DYNC2H1: variants seen among roughly 807,000 people sequenced by gnomAD.
DYNC2H1 encodes cytoplasmic dynein 2 heavy chain 1.
DYNC2H1 carries 410 observed loss-of-function variants against 570.0 expected under a neutral mutation model. That is an observed-to-expected ratio of 0.72 (90% confidence interval 0.66 to 0.78). The LOEUF (loss-of-function observed/expected upper bound fraction) is 0.78. DYNC2H1 is among the 30% of genes least tolerant of loss of function. DYNC2H1 has a pLI of 0.00. For synonymous variants in DYNC2H1, 1,688 were observed against 1,677.6 expected, an observed-to-expected ratio of 1.01 and a Z score of -0.15; for missense variants, 4,865 against 5,046.4, an observed-to-expected ratio of 0.96 and a Z score of 1.09.
intron 70 of DYNC2H1, among the ~76,000 whole-genome samples, chr11:103,274,155 C>CATATATATATATCTGTGTGTGTCACAG (rs1242451101): frequency 6.6e-6 from 1 of 150,430 alleles, no homozygotes; most frequent in Non-Finnish European, 1.5e-5. Context: ...TATACACACA[C>CATATATATATATCTGTGTGTGTCACAG]ATATATATAT....
intron 85 of DYNC2H1, 76 bp from the exon 86 acceptor site, chr11:103,455,110 T>C (rs1434287371): frequency 9.9e-7 from 1 of 1,011,218 alleles, no homozygotes; most frequent in African/African-American, 1.6e-5. Context: ...ATTACTTTCT[T>C]ATTGAAAATG....
At chr11:103,468,012 G>T (rs534719584) in intron 87 of DYNC2H1, among the ~76,000 whole-genome samples, 14 of 152,146 alleles carry the variant, frequency 9.2e-5, no homozygotes, top group Non-Finnish European at 1.9e-4. Context: ...AGAATGAAGA[G>T]TTTCAAAGAA....
chr11:103,405,404 T>C (rs1942821340), intron 84 of DYNC2H1: 1 of 151,980 alleles, frequency 6.6e-6, no homozygotes, highest in Admixed American at 6.6e-5. Flanking sequence ...AATGAGAAGA[T>C]GGTTATACCT....
intron 70 of DYNC2H1, among the ~76,000 whole-genome samples, chr11:103,272,381 C>T (rs940214308): frequency 3.3e-5 from 5 of 151,856 alleles, no homozygotes; most frequent in Non-Finnish European, 7.4e-5. Context: ...AATGAGAACA[C>T]TTGGACACAA....
intron 61 of DYNC2H1, among the ~76,000 whole-genome samples, chr11:103,235,235 TCTTTC>T (rs961599194): frequency 1.3e-5 from 2 of 151,944 alleles, no homozygotes; most frequent in African/African-American, 4.8e-5. Context: ...CTATCTCTCT[TCTTTC>T]CTTTAATATA....
chr11:103,124,932 G>A (rs1858910596), intron 11 of DYNC2H1, among the ~76,000 whole-genome samples, 168 bp from the exon 12 acceptor site: 1 of 151,974 alleles, frequency 6.6e-6, no homozygotes, highest in Non-Finnish European at 1.5e-5. Context: ...AATCTGAATT[G>A]TGAAATAATA....
At chr11:103,367,655 T>A (rs1199959479) in intron 83 of DYNC2H1, among the ~76,000 whole-genome samples, 1 of 152,156 alleles carries the variant, frequency 6.6e-6, no homozygotes, top group Non-Finnish European at 1.5e-5. Flanking sequence ...CCTATAGCTG[T>A]AGGGTACTGT....
At position 103,170,826 on chromosome 11, in the gene DYNC2H1, A is replaced by C; in HGVS notation, c.5152-60A>C. ...TATCAATAAGTAACATTAAATATTA[A>C]GTAGTTATGGAGATTTTGATTATTT... On this transcript the variant is annotated intron_variant, in intron 33 of 88. Transcript: ENST00000375735. The surrounding 1 kb of genome is among the most constrained non-coding windows in gnomAD (Gnocchi z 4.8). 1 of 1,299,892 alleles carries C rather than the reference A, an allele frequency of 7.7e-7. No homozygotes were observed. The highest frequency in any genetic ancestry group is 1.0e-6 in the Non-Finnish European group (1 of 993,242). 80.5% of individuals were successfully genotyped at this position (1,299,892 alleles called of 1,614,324 possible).
At chr11:103,456,220 A>G (rs1944781871) in intron 86 of DYNC2H1, 55 bp from the exon 87 acceptor site, 2 of 1,375,124 alleles carry the variant, frequency 1.5e-6, no homozygotes, top group East Asian at 2.4e-5. Context: ...GTTACTCTTC[A>G]TATTTTAATT....
chr11:103,406,167 C>T (rs1454373695), intron 84 of DYNC2H1: 1 of 151,888 alleles, frequency 6.6e-6, no homozygotes, highest in Non-Finnish European at 1.5e-5. Context: ...GTGTAATTTA[C>T]TTACTAAGGG....
Position 103,245,365 on chromosome 11 carries a change from G to T in DYNC2H1, c.10033G>T (p.Val3345Phe). Residue 3345 changes from valine to phenylalanine, a missense_variant, in exon 65 of 89, where the codon GTT (valine) becomes TTT (phenylalanine). Val to Phe is a conservative substitution (Grantham distance 50). Around this residue, in one of 5 missense-constraint regions of DYNC2H1, gnomAD observed 2,401 missense variants for 2,454.6 expected, o/e 0.98. Transcript: ENST00000375735. The surrounding 1 kb of genome is among the most constrained non-coding windows in gnomAD (Gnocchi z 4.5). ...VLYPLLRRDL[V>F]AQGPRYVVQI... ...TTATCCATTATTGAGACGAGATCTGGTTGCTCAAGGTAAATAATTGACACT... is the reference window on the plus strand; with the variant it reads ...TTATCCATTATTGAGACGAGATCTGTTTGCTCAAGGTAAATAATTGACACT... 6.3e-7 allele frequency: 1 copy of T among 1,583,192 alleles called. No homozygotes were observed. Among genetic ancestry groups the T allele is most frequent in the Non-Finnish European group, 8.6e-7 (1 of 1,164,748 alleles).
Position 103,349,412 on chromosome 11 carries a change from A to T in DYNC2H1, c.12040-8831A>T, listed in dbSNP as rs181878493. 4.1e-3 allele frequency among the ~76,000 whole-genome samples: 617 copies of T among 152,266 alleles called. 2 individuals are homozygous for T. Among genetic ancestry groups the T allele is most frequent in the Non-Finnish European group, 7.1e-3 (482 of 68,000 alleles). Reference sequence around the variant, plus strand: ...TCTTATTTGTATTTTGATAAATAACAAAAGTATATTTTTACTATCAGTAGG... The same window carrying T: ...TCTTATTTGTATTTTGATAAATAACTAAAGTATATTTTTACTATCAGTAGG... On this transcript the variant is annotated intron_variant, in intron 82 of 88. Transcript: ENST00000375735.
chr11:103,155,293 G>C (rs1860760367), intron 24 of DYNC2H1, 38 bp from the exon 25 acceptor site: 1 of 1,532,150 alleles, frequency 6.5e-7, no homozygotes, highest in African/African-American at 1.5e-5. Context: ...ATGTATATGT[G>C]TATACATATG....
chr11:103,288,769 T>C (rs1866464325), intron 75 of DYNC2H1, among the ~76,000 whole-genome samples: 1 of 140,826 alleles, frequency 7.1e-6, no homozygotes, highest in African/African-American at 2.7e-5. Context: ...TAATCCCAGC[T>C]CCTCGGGAGG....
chr11:103,223,509 T>C (rs996589879), intron 59 of DYNC2H1, among the ~76,000 whole-genome samples: 3 of 151,738 alleles, frequency 2.0e-5, no homozygotes, highest in African/African-American at 7.3e-5. Flanking sequence ...TGTCTCAGCC[T>C]CCCGAGTAGC....
At chr11:103,399,270 G>GGTTGAA (rs1565563439) in intron 83 of DYNC2H1, among the ~76,000 whole-genome samples, 28 of 148,696 alleles carry the variant, frequency 1.9e-4, no homozygotes, top group African/African-American at 7.0e-4. Flanking sequence ...AACCTCTTGA[G>GGTTGAA]TGGCTGTGGT....
At chr11:103,298,321 G>A (rs1301430429) in intron 75 of DYNC2H1, among the ~76,000 whole-genome samples, 6 of 151,978 alleles carry the variant, frequency 3.9e-5, no homozygotes, top group Admixed American at 3.9e-4. Context: ...TTTCAGAGAG[G>A]TTCTTAAGAG....
At chr11:103,345,098 T>G (rs773283388) in intron 82 of DYNC2H1, among the ~76,000 whole-genome samples, 8 of 152,244 alleles carry the variant, frequency 5.3e-5, no homozygotes, top group Admixed American at 1.3e-4. Flanking sequence ...TCGAACATTA[T>G]AAAGCAGTGT....
intron 83 of DYNC2H1, among the ~76,000 whole-genome samples, chr11:103,367,318 C>A (rs1565532158): frequency 1.3e-5 from 2 of 152,034 alleles, no homozygotes; most frequent in African/African-American, 4.8e-5. Context: ...GAAAGGAAAT[C>A]TTAAATAATT....
Sources: allele counts gnomAD v4.1 joint callset (sites outside exome capture counted in the v4.1 genomes callset), GRCh38; gene constraint gnomAD v4.1.1; regional missense constraint gnomAD v4.1.1; non-coding constraint Gnocchi (gnomAD v3.1); transcripts MANE v1.5; gene names NCBI Gene and HGNC (gene_info 2026-07-23, HGNC 2026-07-21).